The following ANXA13 variants were observed in gnomAD, a reference collection of about 807,000 sequenced individuals.
The protein encoded by ANXA13 is annexin XIII.
In ANXA13, 36 loss-of-function variants were observed where a neutral mutation model predicts 46.6. That is an observed-to-expected ratio of 0.77 (90% CI 0.59 to 1.02). The LOEUF is 1.02. Ranked by LOEUF, ANXA13 falls within the 50% of genes least tolerant of loss-of-function variation. ANXA13 has a pLI of 0.00. For missense variants in ANXA13, 417 were observed against 396.5 expected, an observed-to-expected ratio of 1.05 and a Z score of -0.44; for synonymous variants, 163 against 152.9, an observed-to-expected ratio of 1.07 and a Z score of -0.49.
At chr8:123,736,273 TA>T (rs1461712929) in intron 1 of ANXA13, among the ~76,000 whole-genome samples, 1 of 152,232 alleles carries the variant, frequency 6.6e-6, no homozygotes, top group African/African-American at 2.4e-5. Context: ...GTGCATGAAA[TA>T]TATCATTCTT....
chr8:123,730,190 C>T (rs1814087643), intron 1 of ANXA13, among the ~76,000 whole-genome samples: 1 of 152,196 alleles, frequency 6.6e-6, no homozygotes, highest in South Asian at 2.1e-4. Context: ...TCATGTTTCT[C>T]TCCAAGCCCT....
chr8:123,731,902 A>G (rs761802359), intron 1 of ANXA13, among the ~76,000 whole-genome samples: 1 of 152,124 alleles, frequency 6.6e-6, no homozygotes, highest in East Asian at 1.9e-4. Flanking sequence ...CAAAAAACCC[A>G]GATGGTTCTA....
At chr8:123,685,298 T>C (rs1563603944) in intron 9 of ANXA13, among the ~76,000 whole-genome samples, 1 of 152,162 alleles carries the variant, frequency 6.6e-6, no homozygotes, top group Non-Finnish European at 1.5e-5. Context: ...TTTTTAAAGA[T>C]CACTTTCCTA....
intron 1 of ANXA13, among the ~76,000 whole-genome samples, chr8:123,720,709 A>G (rs1048134361): frequency 6.8e-6 from 1 of 147,966 alleles, no homozygotes; most frequent in African/African-American, 2.5e-5. Flanking sequence ...AGTTAAGAAC[A>G]TTTAACTTGA....
Position 123,698,506 on chromosome 8 carries a change from C to T in ANXA13, c.240G>A (p.Ala80=), listed in dbSNP as rs932174402. 1.3e-5 allele frequency: 21 copies of T among 1,614,110 alleles called. No homozygotes were observed. Among genetic ancestry groups the T allele is most frequent in the Non-Finnish European group, 1.4e-5 (16 of 1,180,044 alleles). ...CGCTGGGACGGTCCAGAAGGGCCAA[C>T]GCTGTCTTCTCGAAGTTTCCACTCA... The part of the protein sequence containing the change: ...SELSGNFEKT[A]LALLDRPSEY... The change falls in exon 4 of 11, where the codon GCG becomes GCA. Residue 80 remains alanine, a synonymous_variant. Coordinates refer to ENST00000419625, the MANE Select transcript of ANXA13 (RefSeq NM_004306.4).
chr8:123,695,826 T>A, intron 4 of ANXA13, 105 bp from the exon 5 acceptor site: 2 of 979,390 alleles, frequency 2.0e-6, no homozygotes, highest in Non-Finnish European at 3.2e-6. Flanking sequence ...CAAAGTGCCT[T>A]CAAGACTTCC....
chr8:123,717,991 C>T (rs1813791694), intron 1 of ANXA13, among the ~76,000 whole-genome samples: 1 of 152,362 alleles, frequency 6.6e-6, no homozygotes, highest in South Asian at 2.1e-4. Context: ...GGCTCGCTTG[C>T]GCCCAGAGAA....
At chr8:123,696,577 T>A (rs960963563) in intron 4 of ANXA13, among the ~76,000 whole-genome samples, 1 of 151,674 alleles carries the variant, frequency 6.6e-6, no homozygotes, top group African/African-American at 2.4e-5. Flanking sequence ...ACCACCAAGC[T>A]GGTTAAAATG....
chr8:123,692,207 C>T (rs566948682), intron 8 of ANXA13, among the ~76,000 whole-genome samples: 55 of 152,306 alleles, frequency 3.6e-4, no homozygotes, highest in Non-Finnish European at 6.2e-4. Context: ...TCTTGGAGTT[C>T]TCATCCACTC....
chr8:123,694,061 C>G (rs937335502), intron 6 of ANXA13, among the ~76,000 whole-genome samples: 1 of 151,814 alleles, frequency 6.6e-6, no homozygotes, highest in African/African-American at 2.4e-5. Flanking sequence ...TGAGTGCGAT[C>G]TCTGGTTTTC....
At chr8:123,732,135 A>C (rs1466750912) in intron 1 of ANXA13, among the ~76,000 whole-genome samples, 1 of 152,150 alleles carries the variant, frequency 6.6e-6, no homozygotes, top group Non-Finnish European at 1.5e-5. Flanking sequence ...ATAGTGTTAA[A>C]AATTTGTGCC....
chr8:123,727,604 A>T (rs1179218191), intron 1 of ANXA13: 1 of 151,790 alleles, frequency 6.6e-6, no homozygotes, highest in Non-Finnish European at 1.5e-5. Context: ...TCTGCTAAAC[A>T]TCCTTCAGTA....
chr8:123,698,430 C>G lies in ANXA13; in HGVS notation c.316G>C (p.Glu106Gln), dbSNP rs1204261342. Residue 106 changes from glutamate (E) to glutamine (Q), a missense_variant, in exon 4 of 11, where the codon GAG becomes CAG. Coordinates refer to ENST00000419625, the MANE Select transcript of ANXA13 (RefSeq NM_004306.4). ...CACAGGACCTCAATGAGGACGGACT[C>G]ATCTGTGCCCAGACCCTTCATAGCC... ...QKAMKGLGTD[E>Q]SVLIEVLCTR... The G allele has an allele frequency of 2.5e-6, 4 of 1,614,214 alleles. No homozygotes were observed. The highest frequency in any genetic ancestry group is 3.4e-6 in the Non-Finnish European group (4 of 1,180,026).
chr8:123,709,477 TA>T (rs1477140046), intron 2 of ANXA13, among the ~76,000 whole-genome samples: 3 of 151,938 alleles, frequency 2.0e-5, no homozygotes, highest in African/African-American at 7.2e-5. Flanking sequence ...CCCCATTCTC[TA>T]GCTCTGATTT....
chr8:123,696,742 G>T (rs1171809345), intron 4 of ANXA13, among the ~76,000 whole-genome samples: 1 of 152,082 alleles, frequency 6.6e-6, no homozygotes, highest in Non-Finnish European at 1.5e-5. Context: ...CTTCCAACCC[G>T]CAACCAGGAT....
chr8:123,728,372 C>T (rs1434141761), intron 1 of ANXA13: 1 of 152,186 alleles, frequency 6.6e-6, no homozygotes, highest in Non-Finnish European at 1.5e-5. Flanking sequence ...GGATATTTCT[C>T]AACCGTGAAA....
At chr8:123,720,257 T>C (rs1048639331) in intron 1 of ANXA13, among the ~76,000 whole-genome samples, 3 of 152,146 alleles carry the variant, frequency 2.0e-5, no homozygotes, top group African/African-American at 2.4e-5. Flanking sequence ...CTGTTTGAGC[T>C]GGCATGAAAT....
At chr8:123,693,149 A>T in intron 8 of ANXA13, 48 bp downstream of exon 8, 1 of 1,527,788 alleles carries the variant, frequency 6.5e-7, no homozygotes, top group Non-Finnish European at 9.0e-7. Context: ...GAAATAACTT[A>T]AGACACTTTC....
chr8:123,701,934 T>C (rs1046713354), intron 3 of ANXA13, among the ~76,000 whole-genome samples: 2 of 152,232 alleles, frequency 1.3e-5, no homozygotes, highest in Non-Finnish European at 2.9e-5. Flanking sequence ...AATTGTTACC[T>C]GCTCAGTATC....
Sources: gnomAD v4.1 joint callset for allele counts (sites outside exome capture counted in the v4.1 genomes callset) on GRCh38, gnomAD v4.1.1 for gene constraint, MANE v1.5 for transcripts, NCBI Gene and HGNC (gene_info 2026-07-23, HGNC 2026-07-21) for gene names.